MAF: variants seen among roughly 807,000 people sequenced by gnomAD.
MAF encodes the protein transcription factor Maf.
In MAF, 10 loss-of-function variants were observed where a neutral mutation model predicts 22.0. That is an observed-to-expected ratio of 0.45 (90% confidence interval 0.28 to 0.77). MAF has a LOEUF of 0.77. Among genes scored for constraint, MAF ranks in the 30% least tolerant of loss-of-function variants. The pLI, the probability that MAF is intolerant of heterozygous loss-of-function variation, is 0.12. For synonymous variants in MAF, 337 were observed against 255.8 expected, an observed-to-expected ratio of 1.32 and a Z score of -3.03; for missense variants, 544 against 548.4, an observed-to-expected ratio of 0.99 and a Z score of 0.08.
chr16:79,368,089 T>C, the MAF span, among the ~76,000 whole-genome samples: 1 of 152,190 alleles, frequency 6.6e-6, no homozygotes, highest in Non-Finnish European at 1.5e-5. Flanking sequence ...GTCTGCATGC[T>C]GCTCCCTGCT....
the MAF span, among the ~76,000 whole-genome samples, chr16:79,245,486 G>A: frequency 2.0e-5 from 3 of 152,146 alleles, no homozygotes; most frequent in Non-Finnish European, 4.4e-5. Context: ...TTAGAGAAAT[G>A]CAAATTGAAA....
At chr16:79,578,550 T>C in the MAF span, among the ~76,000 whole-genome samples, 1 of 152,016 alleles carries the variant, frequency 6.6e-6, no homozygotes, top group Non-Finnish European at 1.5e-5. Flanking sequence ...AATATTTAAA[T>C]TTGAAAAAAA....
At position 79,598,939 on chromosome 16, in the gene MAF, G is replaced by C; in HGVS notation, c.964C>G (p.Gln322Glu). The part of the protein sequence containing the change: ...QRHVLESEKN[Q>E]LLQQVDHLKQ... ...AGGTGGTCGACTTGCTGCAGCAGCT[G>C]GTTCTTCTCCGACTCCAGGACGTGT... The change falls in exon 1 of 2, where the codon CAG becomes GAG. Residue 322 changes from glutamine to glutamate, a missense_variant. Physicochemically the swap from Gln to Glu is conservative, Grantham distance 29. Coordinates refer to ENST00000326043, the MANE Select transcript of MAF (RefSeq NM_005360.5). 1 of 1,613,744 alleles carries C rather than the reference G, an allele frequency of 6.2e-7. No homozygotes were observed. The highest frequency in any genetic ancestry group is 8.5e-7 in the Non-Finnish European group (1 of 1,179,964).
the MAF span, among the ~76,000 whole-genome samples, chr16:79,561,607 G>A: frequency 1.1e-3 from 162 of 152,138 alleles, 1 homozygote; most frequent in Non-Finnish European, 1.9e-3. Flanking sequence ...GAGAATGAGG[G>A]TTTCCAGCTT....
chr16:79,436,226 G>A, the MAF span, among the ~76,000 whole-genome samples: 8 of 152,066 alleles, frequency 5.3e-5, no homozygotes, highest in Non-Finnish European at 1.2e-4. Flanking sequence ...GGGACTACAG[G>A]TGCTCACCAC....
the MAF span, among the ~76,000 whole-genome samples, chr16:79,239,860 T>G: frequency 6.6e-6 from 1 of 152,022 alleles, no homozygotes; most frequent in Non-Finnish European, 1.5e-5. Flanking sequence ...GGGAATGGGC[T>G]GAAGAAGCAC....
At chr16:79,598,444 G>T in intron 1 of MAF, 1 of 1,239,376 alleles carries the variant, frequency 8.1e-7, no homozygotes, top group East Asian at 3.6e-5. Context: ...CGGGGGTGGG[G>T]CGGGGGGGTG....
the MAF span, among the ~76,000 whole-genome samples, chr16:79,441,751 C>T: frequency 2.5e-3 from 384 of 152,254 alleles, no homozygotes; most frequent in African/African-American, 8.6e-3. Context: ...TTGGGGGGTT[C>T]GGTGACTGAA....
At chr16:79,301,788 A>T in the MAF span, among the ~76,000 whole-genome samples, 2 of 152,228 alleles carry the variant, frequency 1.3e-5, no homozygotes, top group Non-Finnish European at 2.9e-5. Flanking sequence ...TGCTCTGGGT[A>T]TGATGCTATA....
chr16:79,285,412 G>A, the MAF span, among the ~76,000 whole-genome samples: 5 of 152,068 alleles, frequency 3.3e-5, no homozygotes, highest in Admixed American at 3.3e-4. Flanking sequence ...GATTAGGGAC[G>A]AGAATGCCTA....
chr16:79,370,529 C>T, the MAF span, among the ~76,000 whole-genome samples: 1 of 152,164 alleles, frequency 6.6e-6, no homozygotes, highest in African/African-American at 2.4e-5. Flanking sequence ...AAGATATGAG[C>T]ATCTATAAGG....
At chr16:79,563,209 A>G in the MAF span, among the ~76,000 whole-genome samples, 2 of 152,222 alleles carry the variant, frequency 1.3e-5, no homozygotes, top group East Asian at 3.9e-4. Flanking sequence ...TTTCAACTGG[A>G]TAACTCAAGT....
the MAF span, chr16:79,212,496 G>A: frequency 4.6e-6 from 1 of 217,928 alleles, no homozygotes; most frequent in African/African-American, 2.3e-5. Context: ...GGCAGGAAGG[G>A]AAGCGTATAT....
chr16:79,504,527 G>A, the MAF span, among the ~76,000 whole-genome samples: 7 of 152,226 alleles, frequency 4.6e-5, no homozygotes, highest in Admixed American at 3.3e-4. Context: ...AACATAATGT[G>A]TGGCATAAAA....
the MAF span, among the ~76,000 whole-genome samples, chr16:79,306,870 G>A: frequency 6.6e-6 from 1 of 152,236 alleles, no homozygotes; most frequent in Non-Finnish European, 1.5e-5. Flanking sequence ...AAATGGAGAT[G>A]ATAACAGTAG....
At chr16:79,249,157 C>T in the MAF span, among the ~76,000 whole-genome samples, 3 of 152,206 alleles carry the variant, frequency 2.0e-5, no homozygotes, top group Admixed American at 6.5e-5. Context: ...CGGTGGCTCA[C>T]GCCTGTAATC....
the MAF span, among the ~76,000 whole-genome samples, chr16:79,487,043 A>C: frequency 6.6e-6 from 1 of 152,266 alleles, no homozygotes; most frequent in African/African-American, 2.4e-5. Context: ...GGGGAGGCCT[A>C]AAGTTCCACT....
the MAF span, among the ~76,000 whole-genome samples, chr16:79,579,146 G>T: frequency 3.3e-5 from 5 of 152,124 alleles, no homozygotes; most frequent in South Asian, 2.1e-4. Context: ...TACAGACAGA[G>T]AATTCTAGTG....
At chr16:79,426,859 A>G in the MAF span, among the ~76,000 whole-genome samples, 112 of 152,346 alleles carry the variant, frequency 7.4e-4, no homozygotes, top group African/African-American at 2.5e-3. Flanking sequence ...TAGGGTGTAT[A>G]ATAAAATCCC....
Sources: allele counts gnomAD v4.1 joint callset (sites outside exome capture counted in the v4.1 genomes callset), GRCh38; gene constraint gnomAD v4.1.1; transcripts MANE v1.5; gene names NCBI Gene and HGNC (gene_info 2026-07-23, HGNC 2026-07-21).